Variants in TG observed in about 807,000 individuals in gnomAD.
TG encodes thyroid hormones.
TG carries 270 observed loss-of-function variants against 324.7 expected under a neutral mutation model. The ratio of observed to expected loss-of-function variants is 0.83; its 90% CI spans 0.75 to 0.92. The LOEUF (loss-of-function observed/expected upper bound fraction) is 0.92, where lower values mean the gene tolerates loss of function less well. TG is among the 40% of genes least tolerant of loss of function. TG has a pLI of 0.00. For synonymous variants in TG, 1,401 were observed against 1,327.0 expected (o/e 1.06, Z -1.21); for missense variants, 3,591 against 3,456.4 (o/e 1.04, Z -0.98).
At chr8:133,080,838 G>A (rs1039911476) in intron 41 of TG, among the ~76,000 whole-genome samples, 3 of 152,190 alleles carry the variant, frequency 2.0e-5, no homozygotes, top group Non-Finnish European at 2.9e-5. Context: ...GCATGGGGCA[G>A]GTCCCTTCAG....
rs1314271375 is a variant in TG at position 132,941,450 on chromosome 8, G to C, written c.5141G>C (p.Gly1714Ala). The C allele has an allele frequency of 6.8e-6, 11 of 1,614,076 alleles. No individual in the cohort carries two copies. The highest frequency in any genetic ancestry group is 9.3e-6 in the Non-Finnish European group (11 of 1,180,050). The change falls in exon 26 of 48, where the codon GGA becomes GCA. Residue 1714 changes from glycine to alanine, a missense_variant. Coordinates refer to ENST00000220616, the MANE Select transcript of TG (RefSeq NM_003235.5). The stretch of plus-strand genomic sequence containing the variant: ...AACCCCATTGTGTTCTCAGCCTCAG[G>C]AGCCAATCTAACCGATGCTCACCTC... ...LYNPIVFSAS[G>A]ANLTDAHLFC...
intron 41 of TG, among the ~76,000 whole-genome samples, chr8:133,065,054 TG>T: frequency 1.3e-5 from 2 of 152,304 alleles, no homozygotes; most frequent in South Asian, 4.1e-4. Context: ...TGCTGCAAAG[TG>T]TGACAGCTAT....
chr8:133,062,431 C>T (rs892233467), intron 41 of TG, among the ~76,000 whole-genome samples: 1 of 152,254 alleles, frequency 6.6e-6, no homozygotes, highest in African/African-American at 2.4e-5. Flanking sequence ...GTGACTCCAA[C>T]CCACATTCCC....
chr8:132,947,647 T>TTTC (rs1554677022), intron 26 of TG, among the ~76,000 whole-genome samples: 1 of 152,062 alleles, frequency 6.6e-6, no homozygotes, highest in Non-Finnish European at 1.5e-5. Flanking sequence ...CTTTTTTTTT[T>TTTC]TTCCAGGAGA....
chr8:132,917,078 C>CTTCCTTCCTTCCTTCCTTCCTTCT (rs1202088804), intron 20 of TG, among the ~76,000 whole-genome samples: 3 of 139,492 alleles, frequency 2.2e-5, no homozygotes, highest in African/African-American at 7.8e-5. Context: ...TCCTTCCTTC[C>CTTCCTTCCTTCCTTCCTTCCTTCT]TTCCTTCCCT....
intron 1 of TG, among the ~76,000 whole-genome samples, chr8:132,867,807 C>T (rs977738794): frequency 1.3e-5 from 2 of 152,044 alleles, no homozygotes; most frequent in African/African-American, 2.4e-5. Context: ...AACGTGTAGT[C>T]CCAGCGTTGA....
chr8:132,957,003 G>A (rs1826980168), intron 27 of TG, among the ~76,000 whole-genome samples: 1 of 152,182 alleles, frequency 6.6e-6, no homozygotes, highest in African/African-American at 2.4e-5. Flanking sequence ...GCAGGAGGAA[G>A]TGAGTTTGGG....
At chr8:133,105,474 G>A (rs1170750604) in intron 43 of TG, among the ~76,000 whole-genome samples, 2 of 152,164 alleles carry the variant, frequency 1.3e-5, no homozygotes, top group East Asian at 3.9e-4. Context: ...AGGTAATTGA[G>A]GGCTGGTCTT....
At chr8:132,927,191 A>G (rs980982011) in intron 22 of TG, among the ~76,000 whole-genome samples, 1 of 152,028 alleles carries the variant, frequency 6.6e-6, no homozygotes, top group South Asian at 2.1e-4. Flanking sequence ...GTGCCATCAT[A>G]ATGTTATCTC....
At position 132,992,939 on chromosome 8, in the gene TG, G is replaced by A. The variant is rs546781382; in HGVS notation, c.6262+9527G>A. 3.9e-5 allele frequency among the ~76,000 whole-genome samples: 6 copies of A among 152,300 alleles called. No homozygotes were observed. In the South Asian group the frequency reaches 8.3e-4, roughly 21 times the overall value. On this transcript the variant is annotated intron_variant, in intron 35 of 47. Transcript: ENST00000220616. Reference sequence around the variant, plus strand: ...GGAATGGGAGCTGCAGGAGGACAGGGACTTTATCTGTCTCATTTACTGCGA... The same window carrying A: ...GGAATGGGAGCTGCAGGAGGACAGGAACTTTATCTGTCTCATTTACTGCGA...
chr8:132,958,612 G>T (rs927829188), intron 27 of TG, among the ~76,000 whole-genome samples: 1 of 152,034 alleles, frequency 6.6e-6, no homozygotes, highest in Non-Finnish European at 1.5e-5. Context: ...CAGCTACTTG[G>T]GAGGCTGAGG....
intron 39 of TG, among the ~76,000 whole-genome samples, chr8:133,020,928 C>T (rs1320771992): frequency 3.3e-5 from 5 of 152,126 alleles, no homozygotes; most frequent in African/African-American, 4.8e-5. Context: ...TGTCTGAGGC[C>T]ATCATATGTG....
At chr8:133,099,314 C>T (rs190002542) in intron 43 of TG, among the ~76,000 whole-genome samples, 17 of 152,346 alleles carry the variant, frequency 1.1e-4, no homozygotes, top group Admixed American at 2.6e-4. Context: ...CCTTGGGACA[C>T]GCATTAGTGA....
At chr8:132,876,815 T>A (rs1813870424) in intron 5 of TG, among the ~76,000 whole-genome samples, 1 of 152,256 alleles carries the variant, frequency 6.6e-6, no homozygotes, top group Non-Finnish European at 1.5e-5. Flanking sequence ...CAAGCAGGGC[T>A]AATGCCATTG....
At chr8:132,987,607 A>T (rs1038122303) in intron 35 of TG, among the ~76,000 whole-genome samples, 56 of 152,216 alleles carry the variant, frequency 3.7e-4, no homozygotes, top group African/African-American at 1.2e-3. Flanking sequence ...TCAGAGTTAG[A>T]TAAGGTTACT....
At chr8:133,001,794 G>C in intron 35 of TG, 1 of 985,404 alleles carries the variant, frequency 1.0e-6, no homozygotes, top group Non-Finnish European at 1.2e-6. Context: ...GTTTGCTGGG[G>C]GCCTGAAAGA....
chr8:133,133,774 C>T lies in TG; in HGVS notation c.8188+114C>T, dbSNP rs1323458516. On this transcript the variant is annotated intron_variant, in intron 47 of 47. Transcript: ENST00000220616. Reference sequence around the variant, plus strand: ...ATTGGAGCCAAGGGGTCACCAGTGCCAATGGCACAGCCCCTTCCTGTGAGT... The same window carrying T: ...ATTGGAGCCAAGGGGTCACCAGTGCTAATGGCACAGCCCCTTCCTGTGAGT... 9 of 1,181,694 alleles carry T rather than the reference C, an allele frequency of 7.6e-6. No homozygotes were observed. In the East Asian group the frequency reaches 1.3e-4, roughly 17 times the overall value. 73.2% of individuals were successfully genotyped at this position (1,181,694 alleles called of 1,614,324 possible).
intron 35 of TG, among the ~76,000 whole-genome samples, chr8:133,005,463 A>G (rs1833941354): frequency 6.6e-6 from 1 of 152,234 alleles, no homozygotes; most frequent in African/African-American, 2.4e-5. Flanking sequence ...CTGCATCAGG[A>G]ACCAAGTAGC....
chr8:132,897,090 C>T (rs928980061), intron 11 of TG, among the ~76,000 whole-genome samples: 3 of 152,170 alleles, frequency 2.0e-5, no homozygotes, highest in Admixed American at 6.5e-5. Context: ...AAAAACTAAA[C>T]TGTAGGAGTT....
Sources: allele counts gnomAD v4.1 joint callset (sites outside exome capture counted in the v4.1 genomes callset), GRCh38; gene constraint gnomAD v4.1.1; transcripts MANE v1.5; gene names NCBI Gene and HGNC (gene_info 2026-07-23, HGNC 2026-07-21).